Variants in MEGF11 observed in about 807,000 individuals in gnomAD.
The protein encoded by MEGF11 is multiple EGF like domains 11.
In MEGF11, 126 loss-of-function variants were observed where a neutral mutation model predicts 146.6. The observed-to-expected ratio is 0.86, with a 90% CI of 0.74 to 1.00. MEGF11 has a LOEUF of 1.00. MEGF11 is among the 50% of genes least tolerant of loss of function. The pLI is 0.00. For synonymous variants in MEGF11, 532 were observed against 583.4 expected (o/e 0.91, Z 1.27); for missense variants, 1,509 against 1,521.2 (o/e 0.99, Z 0.13).
chr15:66,118,555 C>G (rs2087848350), intron 4 of MEGF11, among the ~76,000 whole-genome samples: 1 of 152,190 alleles, frequency 6.6e-6, no homozygotes, highest in African/African-American at 2.4e-5. Context: ...GGAAATCCTC[C>G]CAGCTCCCGG....
intron 1 of MEGF11, among the ~76,000 whole-genome samples, chr15:66,249,562 T>C (rs1199063192): frequency 1.3e-5 from 2 of 152,196 alleles, no homozygotes; most frequent in Non-Finnish European, 2.9e-5. Context: ...TTTAATTCTA[T>C]GGCCTCTTGG....
intron 5 of MEGF11, among the ~76,000 whole-genome samples, chr15:66,081,485 TCTC>T (rs2085852848): frequency 6.6e-6 from 1 of 152,222 alleles, no homozygotes; most frequent in Non-Finnish European, 1.5e-5. Context: ...TTCAAGCTAT[TCTC>T]CTGCCTTAGC....
chr15:66,140,383 T>C (rs2141001770), intron 1 of MEGF11, among the ~76,000 whole-genome samples: 1 of 151,870 alleles, frequency 6.6e-6, no homozygotes, highest in East Asian at 1.9e-4. Context: ...ACCCATTCCT[T>C]ATTCCTGGAG....
At chr15:65,970,746 T>A (rs1392514597) in intron 7 of MEGF11, 57 bp from the exon 8 acceptor site, 12 of 1,549,390 alleles carry the variant, frequency 7.7e-6, no homozygotes, top group Non-Finnish European at 1.0e-5. Flanking sequence ...CAAACTTTCC[T>A]GGGAATGGCA....
chr15:65,949,210 C>T (rs2080303647), intron 10 of MEGF11, among the ~76,000 whole-genome samples: 3 of 152,224 alleles, frequency 2.0e-5, no homozygotes, highest in Non-Finnish European at 4.4e-5. Context: ...ACGCACTCTG[C>T]CCAGCTGGGG....
At position 65,935,447 on chromosome 15, in the gene MEGF11, C is replaced by G. The variant is rs370291116; in HGVS notation, c.1288-4504G>C. Among the ~76,000 whole-genome samples the G allele has an allele frequency of 2.5e-4, 36 of 145,108 alleles. No homozygotes were observed. The East Asian group carries it at 5.2e-3, about 21-fold the overall frequency. On this transcript the variant is annotated intron_variant, in intron 10 of 25. Transcript: ENST00000395614. ...GGCCTGAGCCCTCCACCTGTGGGATCTGACGCTATCTCCAGATAGATAGTG... is the reference window on the plus strand; with the variant it reads ...GGCCTGAGCCCTCCACCTGTGGGATGTGACGCTATCTCCAGATAGATAGTG...
intron 4 of MEGF11, among the ~76,000 whole-genome samples, chr15:66,100,546 T>C (rs905807979): frequency 6.6e-6 from 1 of 152,152 alleles, no homozygotes; most frequent in African/African-American, 2.4e-5. Flanking sequence ...CTCCCTCAGT[T>C]TTTTTCACCT....
At chr15:65,953,292 G>A (rs553724719) in intron 10 of MEGF11, among the ~76,000 whole-genome samples, 1 of 152,338 alleles carries the variant, frequency 6.6e-6, no homozygotes, top group South Asian at 2.1e-4. Context: ...TCCATGTCAG[G>A]CAGGATAAGT....
chr15:66,064,350 C>A (rs1412951186), intron 5 of MEGF11, among the ~76,000 whole-genome samples: 1 of 151,970 alleles, frequency 6.6e-6, no homozygotes, highest in Non-Finnish European at 1.5e-5. Context: ...GCCTGGGCAA[C>A]AGAGCAAGAC....
chr15:66,049,560 A>G (rs2084367977), intron 5 of MEGF11, among the ~76,000 whole-genome samples: 1 of 152,152 alleles, frequency 6.6e-6, no homozygotes, highest in Admixed American at 6.5e-5. Context: ...TCCCCACCCC[A>G]TGCCATTTGC....
intron 1 of MEGF11, among the ~76,000 whole-genome samples, chr15:66,148,725 C>T (rs1395991968): frequency 5.9e-5 from 9 of 152,174 alleles, no homozygotes. Flanking sequence ...TGTTGACAAG[C>T]ACAGGGTTGA....
At chr15:66,160,802 T>C (rs993799791) in intron 1 of MEGF11, among the ~76,000 whole-genome samples, 1 of 152,104 alleles carries the variant, frequency 6.6e-6, no homozygotes, top group Non-Finnish European at 1.5e-5. Flanking sequence ...GTATCTGTTA[T>C]GTGGTGATAA....
intron 1 of MEGF11, among the ~76,000 whole-genome samples, chr15:66,162,413 C>T (rs1002408552): frequency 5.3e-5 from 8 of 152,094 alleles, no homozygotes; most frequent in African/African-American, 1.7e-4. Context: ...AATTTAAATG[C>T]CTTTAAATAG....
chr15:66,113,782 G>C (rs1314673328), intron 4 of MEGF11, among the ~76,000 whole-genome samples: 2 of 152,148 alleles, frequency 1.3e-5, no homozygotes, highest in Non-Finnish European at 2.9e-5. Flanking sequence ...TCTGGAGGTT[G>C]AGGCAGGAGA....
chr15:66,211,135 C>T (rs528222321), intron 1 of MEGF11, among the ~76,000 whole-genome samples: 2 of 152,314 alleles, frequency 1.3e-5, no homozygotes, highest in South Asian at 4.1e-4. Context: ...TCTCCCACTG[C>T]CACCTCCATT....
At chr15:66,038,054 T>G (rs531680159) in intron 5 of MEGF11, among the ~76,000 whole-genome samples, 24 of 152,344 alleles carry the variant, frequency 1.6e-4, no homozygotes, top group African/African-American at 5.5e-4. Context: ...TGTAATAAAA[T>G]TTCTTTATTG....
intron 1 of MEGF11, among the ~76,000 whole-genome samples, chr15:66,202,582 C>A (rs2091193314): frequency 6.6e-6 from 1 of 152,236 alleles, no homozygotes. Flanking sequence ...GCCTCCCCAA[C>A]ATCCTGCTCA....
chr15:65,949,611 G>A (rs1222620723), intron 10 of MEGF11, among the ~76,000 whole-genome samples: 1 of 152,184 alleles, frequency 6.6e-6, no homozygotes, highest in East Asian at 1.9e-4. Context: ...CCGCATTCCC[G>A]TCTCCATCAC....
In MEGF11 at chr15:65,907,845, G is replaced by A. The variant is rs139467376; in HGVS notation, c.2998+1189C>T. On this transcript the variant is annotated intron_variant, in intron 23 of 25. Coordinates refer to ENST00000395614, the MANE Select transcript of MEGF11 (RefSeq NM_001385028.1). Reference sequence around the variant, plus strand: ...GAAGCTGAGTTACAGTTAGAGCCCAGATCTCTCCAAGTATTCTCTCTCACT... The same window carrying A: ...GAAGCTGAGTTACAGTTAGAGCCCAAATCTCTCCAAGTATTCTCTCTCACT... Among the ~76,000 whole-genome samples the A allele has an allele frequency of 9.7e-3, 1,478 of 152,370 alleles. 10 individuals carry two copies. Among genetic ancestry groups the A allele is most frequent in the Non-Finnish European group, 0.015 (987 of 68,042 alleles).
Sources: allele counts gnomAD v4.1 joint callset (sites outside exome capture counted in the v4.1 genomes callset), GRCh38; gene constraint gnomAD v4.1.1; transcripts MANE v1.5; gene names NCBI Gene and HGNC (gene_info 2026-07-23, HGNC 2026-07-21).